Variants in FGGY observed in about 807,000 individuals in gnomAD.
The protein encoded by FGGY is FGGY carbohydrate kinase domain-containing protein.
A neutral mutation model predicts 71.3 loss-of-function variants in FGGY; 72 were observed. That is an observed-to-expected ratio of 1.01 (90% CI 0.84 to 1.23). The LOEUF (loss-of-function observed/expected upper bound fraction) is 1.23. Among genes scored for constraint, FGGY ranks in the 50% most tolerant of loss-of-function variants. The pLI, the probability that FGGY is intolerant of heterozygous loss-of-function variation, is 0.00. For synonymous variants in FGGY, 251 were observed against 250.3 expected, an observed-to-expected ratio of 1.00 and a Z score of -0.02; for missense variants, 668 against 682.3, an observed-to-expected ratio of 0.98 and a Z score of 0.23.
intron 11 of FGGY, among the ~76,000 whole-genome samples, chr1:59,652,176 G>C (rs1315847982): frequency 6.6e-6 from 1 of 151,860 alleles, no homozygotes; most frequent in Non-Finnish European, 1.5e-5. Context: ...CTCTCTGGCT[G>C]CCCTTAACAT....
At chr1:59,472,905 ACT>A (rs2093041255) in intron 6 of FGGY, among the ~76,000 whole-genome samples, 2 of 151,992 alleles carry the variant, frequency 1.3e-5, no homozygotes, top group South Asian at 4.2e-4. Context: ...ACCAATCAAC[ACT>A]CTGTATCTAG....
At chr1:59,343,559 G>A (rs2051146098) in intron 3 of FGGY, among the ~76,000 whole-genome samples, 1 of 152,290 alleles carries the variant, frequency 6.6e-6, no homozygotes. Flanking sequence ...TCAACACACA[G>A]TATAGACTCT....
At chr1:59,703,057 C>T (rs557842877) in intron 14 of FGGY, among the ~76,000 whole-genome samples, 7 of 152,246 alleles carry the variant, frequency 4.6e-5, no homozygotes, top group East Asian at 1.9e-4. Context: ...TTATACTCCA[C>T]GTAGGGAGCC....
chr1:59,746,270 A>G (rs1300746291), intron 14 of FGGY, among the ~76,000 whole-genome samples: 1 of 152,174 alleles, frequency 6.6e-6, no homozygotes, highest in African/African-American at 2.4e-5. Flanking sequence ...CTGCAACTGC[A>G]GGAATACTTG....
chr1:59,672,019 G>A (rs2153977102), intron 13 of FGGY, among the ~76,000 whole-genome samples: 1 of 152,288 alleles, frequency 6.6e-6, no homozygotes, highest in Non-Finnish European at 1.5e-5. Flanking sequence ...GGCCCGGGAA[G>A]TGAATGGTGT....
chr1:59,484,729 A>G (rs1233832465), intron 6 of FGGY, among the ~76,000 whole-genome samples: 1 of 152,196 alleles, frequency 6.6e-6, no homozygotes, highest in Non-Finnish European at 1.5e-5. Flanking sequence ...AAAATTCACC[A>G]TGATAAGTGA....
chr1:59,393,577 C>G (rs2060957056), intron 5 of FGGY, among the ~76,000 whole-genome samples: 2 of 152,068 alleles, frequency 1.3e-5, no homozygotes, highest in African/African-American at 4.8e-5. Context: ...CCTTTCCCAC[C>G]CCATCCCCCT....
intron 8 of FGGY, among the ~76,000 whole-genome samples, chr1:59,603,630 C>T (rs2096597911): frequency 6.6e-6 from 1 of 152,186 alleles, no homozygotes; most frequent in Non-Finnish European, 1.5e-5. Flanking sequence ...GATCGCCTAG[C>T]TGAGAATTGG....
At chr1:59,495,449 G>A (rs2094001536) in intron 6 of FGGY, among the ~76,000 whole-genome samples, 1 of 151,796 alleles carries the variant, frequency 6.6e-6, no homozygotes, top group Admixed American at 6.6e-5. Context: ...TTCTTCTAGG[G>A]TTTTTATAGT....
At chr1:59,461,637 G>A (rs1434631897) in intron 6 of FGGY, among the ~76,000 whole-genome samples, 2 of 152,072 alleles carry the variant, frequency 1.3e-5, no homozygotes, top group African/African-American at 2.4e-5. Flanking sequence ...AGGTTGAAAT[G>A]AAGGAAAAAA....
chr1:59,646,805 G>A (rs1182521932), intron 11 of FGGY, among the ~76,000 whole-genome samples: 1 of 152,072 alleles, frequency 6.6e-6, no homozygotes, highest in Non-Finnish European at 1.5e-5. Flanking sequence ...AAGTGGAACG[G>A]GAACCAGTCA....
At position 59,552,579 on chromosome 1, in the gene FGGY, T is replaced by A. The variant is rs533850594; in HGVS notation, c.800-1545T>A. Among the ~76,000 whole-genome samples the A allele has an allele frequency of 7.9e-5, 12 of 152,312 alleles. 1 individual carries two copies. The highest frequency in any genetic ancestry group is 6.5e-4 in the Admixed American group (10 of 15,306). On this transcript the variant is annotated intron_variant, in intron 7 of 15. Coordinates refer to ENST00000303721, the MANE Select transcript of FGGY (RefSeq NM_018291.5). ...GCAAGTATCTGAGCAGCCAGTGCCT[T>A]CAGTATCTGGGGATTTGTGGTCTGA...
intron 11 of FGGY, among the ~76,000 whole-genome samples, chr1:59,640,210 T>C (rs1252369664): frequency 6.6e-6 from 1 of 152,196 alleles, no homozygotes; most frequent in Non-Finnish European, 1.5e-5. Context: ...TATCACTCCA[T>C]GAATTTGCAT....
Position 59,321,722 on chromosome 1 carries a change from T to A in FGGY, c.173T>A (p.Ile58Asn). 6.2e-7 allele frequency: 1 copy of A among 1,612,212 alleles called. No individual in the cohort carries two copies. Among genetic ancestry groups the A allele is most frequent in the Non-Finnish European group, 8.5e-7 (1 of 1,179,216 alleles). ...CACCATGAGCAGTCCTCCGAGGACATCTGGGCTGCGTGCTGTGTTGTCACA... is the reference window on the plus strand; with the variant it reads ...CACCATGAGCAGTCCTCCGAGGACAACTGGGCTGCGTGCTGTGTTGTCACA... ...FNHHEQSSED[I>N]WAACCVVTKK... Residue 58 changes from isoleucine to asparagine, a missense_variant, in exon 2 of 16, where the codon ATC becomes AAC. By Grantham distance (149) the Ile-to-Asn change is moderately radical. Transcript: ENST00000303721.
At chr1:59,736,334 T>C (rs2098103443) in intron 14 of FGGY, among the ~76,000 whole-genome samples, 1 of 152,074 alleles carries the variant, frequency 6.6e-6, no homozygotes, top group Non-Finnish European at 1.5e-5. Context: ...TACCCAAAAA[T>C]GTGGAATTGA....
chr1:59,423,470 C>G (rs1304344732), intron 5 of FGGY, among the ~76,000 whole-genome samples: 7 of 152,284 alleles, frequency 4.6e-5, no homozygotes, highest in Admixed American at 3.9e-4. Context: ...AGATTCCAGC[C>G]CTCACTGCCA....
intron 6 of FGGY, among the ~76,000 whole-genome samples, chr1:59,460,262 C>T (rs1393140938): frequency 1.2e-4 from 18 of 152,192 alleles, no homozygotes; most frequent in East Asian, 3.9e-4. Flanking sequence ...GCGCCTGGCT[C>T]GGCGGGTCCC....
At chr1:59,668,617 G>T (rs1196531653) in intron 13 of FGGY, among the ~76,000 whole-genome samples, 1 of 152,180 alleles carries the variant, frequency 6.6e-6, no homozygotes, top group Non-Finnish European at 1.5e-5. Flanking sequence ...ATCATGAGAT[G>T]AAACTAAGTA....
Position 59,576,382 on chromosome 1 carries a change from C to A in FGGY, c.903+22155C>A, listed in dbSNP as rs1315463507. 3.3e-5 allele frequency among the ~76,000 whole-genome samples: 5 copies of A among 151,928 alleles called. No homozygotes were observed. In the East Asian group the frequency reaches 7.8e-4, roughly 24 times the overall value. ...CATGGACACAGGGAGGGGAACATCA[C>A]ACACTGAGGCCAGTCGGGGGGTAGG... On this transcript the variant is annotated intron_variant, in intron 8 of 15. Coordinates refer to ENST00000303721, the MANE Select transcript of FGGY (RefSeq NM_018291.5).
Sources: allele counts gnomAD v4.1 joint callset (sites outside exome capture counted in the v4.1 genomes callset), GRCh38; gene constraint gnomAD v4.1.1; transcripts MANE v1.5; gene names NCBI Gene and HGNC (gene_info 2026-07-23, HGNC 2026-07-21).